HP1BP3: variants seen among roughly 807,000 people sequenced by gnomAD.
HP1BP3 encodes heterochromatin protein 1 binding protein 3.
In HP1BP3, 12 loss-of-function variants were observed where a neutral mutation model predicts 62.5. The ratio of observed to expected loss-of-function variants is 0.19; its 90% CI spans 0.12 to 0.31. The LOEUF is 0.31. HP1BP3 is among the 10% of genes least tolerant of loss of function. The pLI is 1.00. For missense variants in HP1BP3, 502 were observed against 651.8 expected, an observed-to-expected ratio of 0.77 and a Z score of 2.50; for synonymous variants, 260 against 237.8, an observed-to-expected ratio of 1.09 and a Z score of -0.86.
intron 11 of HP1BP3, 38 bp downstream of exon 11, chr1:20,747,506 A>C: frequency 1.6e-6 from 2 of 1,235,388 alleles, no homozygotes; most frequent in Non-Finnish European, 2.3e-6. Context: ...AACTTAGACT[A>C]TAAATTTACA....
In HP1BP3 at chr1:20,742,756, AT is replaced by A. The variant is rs2055118796; in HGVS notation, c.*2040del. On this transcript the variant is annotated 3_prime_UTR_variant, in exon 13 of 13. Coordinates refer to ENST00000438032, the MANE Select transcript of HP1BP3 (RefSeq NM_001372052.1). ...AAAAGGAAGATTTACAACAGGAAAG[AT>A]TGCCTTACATGCAACACAAATTCCA... The A allele has an allele frequency of 1.3e-5, 2 of 152,670 alleles. No homozygotes were observed. Among genetic ancestry groups the A allele is most frequent in the South Asian group, 4.1e-4 (2 of 4,834 alleles). The allele number at this position is 152,670 out of a possible 1,614,324, so 9.5% of individuals were successfully genotyped here. A position where few individuals can be genotyped will look rare whatever the true frequency, so the allele number is the denominator to read the frequency against.
At chr1:20,777,162 G>A (rs1023428709) in intron 3 of HP1BP3, among the ~76,000 whole-genome samples, 2 of 151,994 alleles carry the variant, frequency 1.3e-5, no homozygotes, top group Non-Finnish European at 2.9e-5. Flanking sequence ...AGAAATATGA[G>A]GGGAACATGG....
intron 8 of HP1BP3, among the ~76,000 whole-genome samples, chr1:20,764,108 A>G (rs1388816063): frequency 6.6e-6 from 1 of 152,240 alleles, no homozygotes; most frequent in Non-Finnish European, 1.5e-5. Context: ...TCATTTGTGT[A>G]AAGTATTTCT....
chr1:20,745,489 T>G, intron 12 of HP1BP3, 54 bp downstream of exon 12: 1 of 1,578,206 alleles, frequency 6.3e-7, no homozygotes, highest in Non-Finnish European at 8.6e-7. Flanking sequence ...GCACTATTTT[T>G]CAGCTCTGAG....
chr1:20,761,916 G>A (rs1354005714), intron 8 of HP1BP3, among the ~76,000 whole-genome samples: 2 of 152,176 alleles, frequency 1.3e-5, no homozygotes, highest in Non-Finnish European at 2.9e-5. Flanking sequence ...GCCATTGAGA[G>A]GGCAGCTGGT....
chr1:20,757,763 T>C (rs1178313845), intron 8 of HP1BP3, among the ~76,000 whole-genome samples: 2 of 152,192 alleles, frequency 1.3e-5, no homozygotes, highest in Non-Finnish European at 2.9e-5. Flanking sequence ...TCTGAGTCTC[T>C]ATATACCCAA....
Position 20,773,464 on chromosome 1 carries a change from G to C in HP1BP3, c.497C>G (p.Thr166Ser). 1 of 1,609,888 alleles carries C rather than the reference G, an allele frequency of 6.2e-7. No individual in the cohort carries two copies. Among genetic ancestry groups the C allele is most frequent in the East Asian group, 2.2e-5 (1 of 44,772 alleles). The change falls in exon 5 of 13, where the codon ACT (threonine) becomes AGT (serine). Residue 166 changes from threonine (T) to serine (S), a missense_variant. Thr to Ser is a moderately conservative substitution (Grantham distance 58, BLOSUM62 1). Transcript: ENST00000438032. ...SPRPKMDAIL[T>S]EAIKACFQKS... is the part of the protein sequence containing the mutation. ...ATAAAAACTTGCCTTAATGGCCTCA[G>C]TTAAGATTGCATCCATCTTGGGACG...
At chr1:20,780,051 GT>G (rs987245797) in intron 2 of HP1BP3, 140 bp from the exon 3 acceptor site, 21 of 628,394 alleles carry the variant, frequency 3.3e-5, no homozygotes, top group East Asian at 5.7e-5. Context: ...CTTTTAACAA[GT>G]TTTTTTTGAA....
At chr1:20,775,790 C>T in intron 4 of HP1BP3, 1 of 526,042 alleles carries the variant, frequency 1.9e-6, no homozygotes, top group African/African-American at 2.0e-5. Context: ...AGCCTAGAAG[C>T]AACAGACTAT....
intron 8 of HP1BP3, among the ~76,000 whole-genome samples, chr1:20,764,346 T>A (rs899733163): frequency 6.6e-6 from 1 of 151,580 alleles, no homozygotes; most frequent in African/African-American, 2.4e-5. Flanking sequence ...TTTTTACTCT[T>A]ATGGTTTTTT....
At position 20,742,054 on chromosome 1, in the gene HP1BP3, C is replaced by G. The variant is rs746453418; in HGVS notation, c.*2743G>C. ...CAAACTGTCCTTATAGTTAACAGAACGTTAGAGTTGGAAGAAACTTTAAAT... is the reference window on the plus strand; with the variant it reads ...CAAACTGTCCTTATAGTTAACAGAAGGTTAGAGTTGGAAGAAACTTTAAAT... On this transcript the variant is annotated 3_prime_UTR_variant, in exon 13 of 13. Transcript: ENST00000438032. Among the ~76,000 whole-genome samples, 1 of 152,160 alleles carries G rather than the reference C, an allele frequency of 6.6e-6. No individual in the cohort carries two copies.
chr1:20,744,515 G>A lies in HP1BP3; in HGVS notation c.*282C>T, dbSNP rs1442844315. ...GCAAAGCTGACCATAAAAACAACAG[G>A]GGGTTGGGGGAGGCAGAGAAAAAGG... On this transcript the variant is annotated 3_prime_UTR_variant, in exon 13 of 13. Coordinates refer to ENST00000438032, the MANE Select transcript of HP1BP3 (RefSeq NM_001372052.1). 3 of 270,670 alleles carry A rather than the reference G, an allele frequency of 1.1e-5. No homozygotes were observed. The highest frequency in any genetic ancestry group is 2.1e-5 in the Non-Finnish European group (3 of 145,794). The allele number at this position is 270,670 out of a possible 1,614,324, so 16.8% of individuals were successfully genotyped here.
intron 6 of HP1BP3, among the ~76,000 whole-genome samples, chr1:20,768,907 C>T (rs1010056799): frequency 6.6e-6 from 1 of 152,176 alleles, no homozygotes; most frequent in Non-Finnish European, 1.5e-5. Context: ...AGCAATCAAG[C>T]TGGAATGCTT....
In HP1BP3 at chr1:20,742,204, T is replaced by C. The variant is rs2055102177; in HGVS notation, c.*2593A>G. ...GAAACCAACCAAAATCTCCCAACTT[T>C]TGATTCCAGAAGAGTACAGAATTCT... On this transcript the variant is annotated 3_prime_UTR_variant, in exon 13 of 13. Transcript: ENST00000438032. Among the ~76,000 whole-genome samples the C allele has an allele frequency of 6.6e-6, 1 of 152,200 alleles. No homozygotes were observed.
intron 7 of HP1BP3, among the ~76,000 whole-genome samples, chr1:20,766,767 C>T (rs562077631): frequency 3.4e-4 from 51 of 151,930 alleles, no homozygotes; most frequent in Non-Finnish European, 6.5e-4. Context: ...TAGTGAAACT[C>T]CATCTCTACT....
At chr1:20,752,918 C>T (rs1335330960) in intron 9 of HP1BP3, among the ~76,000 whole-genome samples, 2 of 151,302 alleles carry the variant, frequency 1.3e-5, no homozygotes, top group Non-Finnish European at 2.9e-5. Flanking sequence ...AAGTTATGAG[C>T]TGAATTAGCT....
At chr1:20,770,407 C>A (rs1027520083) in intron 6 of HP1BP3, among the ~76,000 whole-genome samples, 9 of 152,160 alleles carry the variant, frequency 5.9e-5, no homozygotes, top group African/African-American at 2.2e-4. Flanking sequence ...CCTCAACCTC[C>A]CAGGCTCAAG....
chr1:20,779,384 T>C (rs2057443032), intron 3 of HP1BP3, among the ~76,000 whole-genome samples: 1 of 152,114 alleles, frequency 6.6e-6, no homozygotes, highest in South Asian at 2.1e-4. Flanking sequence ...TCTCTACCAA[T>C]ACCTGTTATA....
At chr1:20,764,923 C>G (rs1013059129) in intron 8 of HP1BP3, among the ~76,000 whole-genome samples, 1 of 149,964 alleles carries the variant, frequency 6.7e-6, no homozygotes, top group Non-Finnish European at 1.5e-5. Context: ...AATCCTAGCA[C>G]TTTGGGAGGC....
Sources: gnomAD v4.1 joint callset for allele counts (sites outside exome capture counted in the v4.1 genomes callset) on GRCh38, gnomAD v4.1.1 for gene constraint, MANE v1.5 for transcripts, NCBI Gene and HGNC (gene_info 2026-07-23, HGNC 2026-07-21) for gene names.